DACH1: variants seen among roughly 807,000 people sequenced by gnomAD.
The protein encoded by DACH1 is dachshund homolog 1.
In DACH1, 12 loss-of-function variants were observed where a neutral mutation model predicts 54.2. The ratio of observed to expected loss-of-function variants is 0.22; its 90% CI spans 0.14 to 0.36. The LOEUF (loss-of-function observed/expected upper bound fraction) is 0.36, where lower values mean the gene tolerates loss of function less well. DACH1 is among the 10% of genes least tolerant of loss of function. The pLI is 1.00. For missense variants in DACH1, 805 were observed against 929.8 expected, an observed-to-expected ratio of 0.87 and a Z score of 1.75; for synonymous variants, 386 against 366.2, an observed-to-expected ratio of 1.05 and a Z score of -0.62.
intron 5 of DACH1, among the ~76,000 whole-genome samples, chr13:71,559,130 T>C (rs1490737734): frequency 6.6e-6 from 1 of 152,120 alleles, no homozygotes; most frequent in African/African-American, 2.4e-5. Flanking sequence ...CACTTGTTAA[T>C]TGGATGGCAT....
chr13:71,836,042 C>T lies in DACH1; in HGVS notation c.848+29880G>A, dbSNP rs867669521. Among the ~76,000 whole-genome samples, 12 of 152,024 alleles carry T rather than the reference C, an allele frequency of 7.9e-5. No individual in the cohort carries two copies. In the Middle Eastern group the frequency reaches 0.01, roughly 129 times the overall value. On this transcript the variant is annotated intron_variant, in intron 1 of 10. Coordinates refer to ENST00000613252, the MANE Select transcript of DACH1 (RefSeq NM_080759.6). Reference sequence around the variant, plus strand: ...TCCAATTAAAAGCAGAACGGTTGAACACAGTTTATCATAGGTACTCAGATT... The same window carrying T: ...TCCAATTAAAAGCAGAACGGTTGAATACAGTTTATCATAGGTACTCAGATT...
intron 1 of DACH1, among the ~76,000 whole-genome samples, chr13:71,794,855 C>CA (rs1336973010): frequency 1.6e-4 from 24 of 152,014 alleles, no homozygotes; most frequent in Admixed American, 1.6e-3. Context: ...AAGGTAAAAA[C>CA]AAAAAACTAA....
At chr13:71,538,386 A>C (rs1351363346) in intron 6 of DACH1, among the ~76,000 whole-genome samples, 2 of 149,186 alleles carry the variant, frequency 1.3e-5, no homozygotes, top group African/African-American at 2.6e-5. Context: ...AAAAAAAAAA[A>C]ACACAATTAC....
intron 6 of DACH1, among the ~76,000 whole-genome samples, chr13:71,499,136 G>C (rs5804577): frequency 6.0e-5 from 9 of 149,190 alleles, no homozygotes; most frequent in East Asian, 2.0e-4. Context: ...CACACACGCA[G>C]ACACACACAC....
chr13:71,547,590 G>A (rs1883541501), intron 6 of DACH1, among the ~76,000 whole-genome samples: 1 of 152,078 alleles, frequency 6.6e-6, no homozygotes. Flanking sequence ...ACCTCTCTAG[G>A]AATAATTTGT....
At chr13:71,459,883 A>T (rs1593726956) in intron 10 of DACH1, among the ~76,000 whole-genome samples, 1 of 152,078 alleles carries the variant, frequency 6.6e-6, no homozygotes, top group African/African-American at 2.4e-5. Context: ...GTAATGCATC[A>T]TAAAACTTCA....
chr13:71,596,443 G>T, intron 3 of DACH1, among the ~76,000 whole-genome samples: 1 of 152,158 alleles, frequency 6.6e-6, no homozygotes, highest in South Asian at 2.1e-4. Flanking sequence ...AAACAAAGTA[G>T]AAATGTCTGG....
chr13:71,571,735 T>C (rs1885212654), intron 4 of DACH1, among the ~76,000 whole-genome samples: 1 of 149,602 alleles, frequency 6.7e-6, no homozygotes, highest in African/African-American at 2.5e-5. Flanking sequence ...AGGGCCTTTT[T>C]TTTTTTTTTT....
At chr13:71,448,578 C>T (rs2138109791) in intron 10 of DACH1, among the ~76,000 whole-genome samples, 1 of 152,228 alleles carries the variant, frequency 6.6e-6, no homozygotes, top group African/African-American at 2.4e-5. Context: ...TAAGAACATT[C>T]TGCTACTGCT....
intron 3 of DACH1, among the ~76,000 whole-genome samples, chr13:71,619,760 T>C (rs944877897): frequency 6.6e-6 from 1 of 151,988 alleles, no homozygotes; most frequent in South Asian, 2.1e-4. Context: ...TGTATGAGTG[T>C]CTAGCTAAGT....
intron 1 of DACH1, among the ~76,000 whole-genome samples, chr13:71,740,819 T>C (rs1321711996): frequency 6.6e-6 from 1 of 152,204 alleles, no homozygotes; most frequent in Non-Finnish European, 1.5e-5. Flanking sequence ...TAATATGTTG[T>C]CATTTTTCAT....
Position 71,745,938 on chromosome 13 carries a change from G to A in DACH1, c.849-64028C>T, listed in dbSNP as rs545963768. Among the ~76,000 whole-genome samples, 126 of 152,268 alleles carry A rather than the reference G, an allele frequency of 8.3e-4. No individual in the cohort carries two copies. In the South Asian group the frequency reaches 0.011, roughly 13 times the overall value. ...TACATCATAATAAACAACATAATGC[G>A]GCCGGGCGCGGTGACCCAAGCCTGT... On this transcript the variant is annotated intron_variant, in intron 1 of 10. Coordinates refer to ENST00000613252, the MANE Select transcript of DACH1 (RefSeq NM_080759.6).
intron 10 of DACH1, among the ~76,000 whole-genome samples, chr13:71,459,958 T>C (rs1875928100): frequency 6.6e-6 from 1 of 152,074 alleles, no homozygotes; most frequent in Non-Finnish European, 1.5e-5. Context: ...GCATTTTTTG[T>C]GTTTTATAAA....
At chr13:71,578,394 G>A (rs1885666335) in intron 3 of DACH1, among the ~76,000 whole-genome samples, 1 of 152,156 alleles carries the variant, frequency 6.6e-6, no homozygotes, top group African/African-American at 2.4e-5. Flanking sequence ...AGTCACAGGT[G>A]CTACAGATGT....
intron 4 of DACH1, among the ~76,000 whole-genome samples, chr13:71,560,745 A>G (rs1884532284): frequency 6.6e-6 from 1 of 152,154 alleles, no homozygotes; most frequent in Non-Finnish European, 1.5e-5. Context: ...AATGTCTCCA[A>G]TTAGCTATTA....
chr13:71,652,922 G>A (rs573384384), intron 2 of DACH1, among the ~76,000 whole-genome samples: 2 of 152,122 alleles, frequency 1.3e-5, no homozygotes, highest in Non-Finnish European at 2.9e-5. Flanking sequence ...GCGATGACCA[G>A]TACAGAACAT....
intron 1 of DACH1, among the ~76,000 whole-genome samples, chr13:71,731,198 A>G (rs1190458095): frequency 6.6e-6 from 1 of 151,738 alleles, no homozygotes; most frequent in Non-Finnish European, 1.5e-5. Context: ...ACAGCACAAG[A>G]TTCTAATGTT....
chr13:71,567,847 C>T (rs551293473), intron 4 of DACH1, among the ~76,000 whole-genome samples: 7 of 152,004 alleles, frequency 4.6e-5, no homozygotes, highest in South Asian at 2.1e-4. Flanking sequence ...TCAGCAAGTA[C>T]GCCCTTTTCA....
At chr13:71,700,049 G>A (rs7998414) in intron 1 of DACH1, among the ~76,000 whole-genome samples, 14,133 of 151,934 alleles carry the variant, frequency 0.093, 1,837 homozygotes, top group African/African-American at 0.29. Flanking sequence ...GACCACTTAG[G>A]ATAATTCATT....
Sources: gnomAD v4.1 joint callset for allele counts (sites outside exome capture counted in the v4.1 genomes callset) on GRCh38, gnomAD v4.1.1 for gene constraint, MANE v1.5 for transcripts, NCBI Gene and HGNC (gene_info 2026-07-23, HGNC 2026-07-21) for gene names.